The following ARL2 variants were observed in gnomAD, a reference collection of about 807,000 sequenced individuals.
The protein encoded by ARL2 is ARF like GTPase 2, also known as ADP-ribosylation factor-like protein 2.
Under a neutral mutation model 22.0 loss-of-function variants are expected in ARL2, and 11 were observed. That is an observed-to-expected ratio of 0.50 (90% confidence interval 0.31 to 0.83). The LOEUF is 0.83. ARL2 is among the 40% of genes least tolerant of loss of function. ARL2 has a pLI of 0.04. For missense variants in ARL2, 216 were observed against 243.2 expected (o/e 0.89, Z 0.74); for synonymous variants, 111 against 100.8 (o/e 1.10, Z -0.61).
intron 3 of ARL2, chr11:65,019,071 C>G: frequency 1.4e-6 from 1 of 697,584 alleles, no homozygotes; most frequent in Non-Finnish European, 2.1e-6. Context: ...AAGAGTCTGA[C>G]TCTTTGCTGT....
In ARL2 at chr11:65,018,120, T is replaced by A. The variant is rs1171443928; in HGVS notation, c.66-244T>A. On this transcript the variant is annotated intron_variant, in intron 1 of 4. Transcript: ENST00000246747. The surrounding 1 kb of genome is among the most constrained non-coding windows in gnomAD (Gnocchi z 4.2). Reference sequence around the variant, plus strand: ...TAAGCTTCCTAAGGGCAGGGCTTTGTCCTCTAGCACCCAGAAGAGGGTCTG... The same window carrying A: ...TAAGCTTCCTAAGGGCAGGGCTTTGACCTCTAGCACCCAGAAGAGGGTCTG... Among the ~76,000 whole-genome samples, 6 of 152,248 alleles carry A rather than the reference T, an allele frequency of 3.9e-5. No homozygotes were observed. Among genetic ancestry groups the A allele is most frequent in the African/African-American group, 7.2e-5 (3 of 41,470 alleles).
At position 65,018,090 on chromosome 11, in the gene ARL2, G is replaced by A. The variant is rs1053945294; in HGVS notation, c.66-274G>A. ...TACTTTATTGACTGTCTTCCCGCTA[G>A]AGTGTAAGCTTCCTAAGGGCAGGGC... On this transcript the variant is annotated intron_variant, in intron 1 of 4. Transcript: ENST00000246747. This position sits in a 1 kb window ranked among gnomAD's most constrained non-coding sequence, Gnocchi z 4.2. 6.6e-6 allele frequency among the ~76,000 whole-genome samples: 1 copy of A among 152,232 alleles called. No individual in the cohort carries two copies. Among genetic ancestry groups the A allele is most frequent in the Admixed American group, 6.5e-5 (1 of 15,284 alleles).
Position 65,018,850 on chromosome 11 carries a change from G to T in ARL2, c.339+117G>T, listed in dbSNP as rs775836232. ...CAGAGGCAGGATCCCTTCCTTCTCT[G>T]GGCCCCCACCATGGGAGGCCCATGG... On this transcript the variant is annotated intron_variant, in intron 3 of 4. Transcript: ENST00000246747. The surrounding 1 kb of genome is among the most constrained non-coding windows in gnomAD (Gnocchi z 4.2). The T allele has an allele frequency of 8.4e-6, 13 of 1,542,918 alleles. No homozygotes were observed. The highest frequency in any genetic ancestry group is 1.1e-5 in the Non-Finnish European group (13 of 1,150,308).
chr11:65,017,217 ACGGGGT>A (rs1445283540), intron 1 of ARL2, among the ~76,000 whole-genome samples: 2 of 150,972 alleles, frequency 1.3e-5, no homozygotes, highest in Admixed American at 1.3e-4. Flanking sequence ...TTTTAATCAG[ACGGGGT>A]CTCGCTGAGT....
intron 4 of ARL2, among the ~76,000 whole-genome samples, chr11:65,020,865 G>A (rs1229012051): frequency 9.4e-5 from 12 of 127,892 alleles, no homozygotes; most frequent in Admixed American, 3.1e-4. Context: ...GTGAGACTTC[G>A]TCTCAAAAAA....
At position 65,018,007 on chromosome 11, in the gene ARL2, C is replaced by G. The variant is rs933841824; in HGVS notation, c.66-357C>G. Among the ~76,000 whole-genome samples, 32 of 152,210 alleles carry G rather than the reference C, an allele frequency of 2.1e-4. No homozygotes were observed. Among genetic ancestry groups the G allele is most frequent in the Non-Finnish European group, 2.1e-4 (14 of 68,038 alleles). Reference sequence around the variant, plus strand: ...CCGATGGCCCTCTTGGAAAGCCTCTCTGTTGTGTTGATGGCGCTAGCCGGG... The same window carrying G: ...CCGATGGCCCTCTTGGAAAGCCTCTGTGTTGTGTTGATGGCGCTAGCCGGG... On this transcript the variant is annotated intron_variant, in intron 1 of 4. Transcript: ENST00000246747. The surrounding 1 kb of genome is among the most constrained non-coding windows in gnomAD (Gnocchi z 4.2).
intron 1 of ARL2, among the ~76,000 whole-genome samples, chr11:65,014,707 C>T (rs1946228933): frequency 6.6e-6 from 1 of 152,212 alleles, no homozygotes; most frequent in South Asian, 2.1e-4. Flanking sequence ...GTGGGCTCCG[C>T]GGATCCTTTC....
At chr11:65,019,925 G>T (rs1184680472) in intron 3 of ARL2, among the ~76,000 whole-genome samples, 1 of 152,158 alleles carries the variant, frequency 6.6e-6, no homozygotes, top group Non-Finnish European at 1.5e-5. Flanking sequence ...AAGGCCCAAG[G>T]GTTAGACCCG....
rs1946330490 is a variant in ARL2 at position 65,021,749 on chromosome 11, A to G, written c.449A>G (p.His150Arg). 3 of 1,609,052 alleles carry G rather than the reference A, an allele frequency of 1.9e-6. No individual in the cohort carries two copies. The change falls in exon 5 of 5, where the codon CAC (histidine) becomes CGC (arginine). Residue 150 changes from histidine (H) to arginine (R), a missense_variant. His to Arg is a conservative substitution (Grantham distance 29). Transcript: ENST00000246747. ...CTGGAGCTGGACTCCATCCGCAGCC[A>G]CCACTGGTGCATCCAGGGCTGCAGC... ...EVLELDSIRS[H>R]HWCIQGCSAV...
Position 65,018,942 on chromosome 11 carries a change from C to T in ARL2, c.339+209C>T. 1 of 1,520,602 alleles carries T rather than the reference C, an allele frequency of 6.6e-7. No individual in the cohort carries two copies. Among genetic ancestry groups the T allele is most frequent in the Non-Finnish European group, 8.8e-7 (1 of 1,137,610 alleles). The allele number at this position is 1,520,602 out of a possible 1,614,324, so 94.2% of individuals were successfully genotyped here. A position where few individuals can be genotyped will look rare whatever the true frequency, so the allele number is the denominator to read the frequency against. ...ACGTCCCTGTGGTGTTACTACGTCA[C>T]TACCCTGAGCATCAGTTTCTATGCC... On this transcript the variant is annotated intron_variant, in intron 3 of 4. Transcript: ENST00000246747. This position sits in a 1 kb window ranked among gnomAD's most constrained non-coding sequence, Gnocchi z 4.2.
chr11:65,016,244 C>T (rs1304035680), intron 1 of ARL2, among the ~76,000 whole-genome samples: 3 of 111,656 alleles, frequency 2.7e-5, no homozygotes, highest in South Asian at 2.8e-4. Context: ...ATGAGGGAGG[C>T]GAGGGTTGAA....
chr11:65,018,951 G>A lies in ARL2; in HGVS notation c.339+218G>A, dbSNP rs560567790. The A allele has an allele frequency of 3.3e-5, 50 of 1,513,954 alleles. No homozygotes were observed. The East Asian group carries it at 8.7e-4, about 26-fold the overall frequency. 93.8% of individuals were successfully genotyped at this position (1,513,954 alleles called of 1,614,324 possible). On this transcript the variant is annotated intron_variant, in intron 3 of 4. Coordinates refer to ENST00000246747, the MANE Select transcript of ARL2 (RefSeq NM_001667.4). The surrounding 1 kb of genome is among the most constrained non-coding windows in gnomAD (Gnocchi z 4.2). ...TGGTGTTACTACGTCACTACCCTGAGCATCAGTTTCTATGCCTTGAAATGG... is the reference window on the plus strand; with the variant it reads ...TGGTGTTACTACGTCACTACCCTGAACATCAGTTTCTATGCCTTGAAATGG...
At chr11:65,020,311 C>A in intron 3 of ARL2, 108 bp from the exon 4 acceptor site, 1 of 957,612 alleles carries the variant, frequency 1.0e-6, no homozygotes, top group Non-Finnish European at 1.6e-6. Flanking sequence ...CGGGGCCTCA[C>A]CTTGATCTTC....
chr11:65,014,440 C>G (rs1236731664), intron 1 of ARL2, among the ~76,000 whole-genome samples, 168 bp downstream of exon 1: 3 of 152,174 alleles, frequency 2.0e-5, no homozygotes, highest in African/African-American at 7.2e-5. Flanking sequence ...GGAGCCGCAC[C>G]CCAGGACTGG....
At chr11:65,020,229 G>A (rs554734031) in intron 3 of ARL2, among the ~76,000 whole-genome samples, 190 bp from the exon 4 acceptor site, 1 of 152,272 alleles carries the variant, frequency 6.6e-6, no homozygotes, top group Admixed American at 6.5e-5. Context: ...CTGGCCCAGG[G>A]CTGCTCCATT....
At chr11:65,021,056 C>G (rs998183638) in intron 4 of ARL2, among the ~76,000 whole-genome samples, 1 of 152,174 alleles carries the variant, frequency 6.6e-6, no homozygotes, top group Admixed American at 6.5e-5. Context: ...GTAGCCAGCA[C>G]AAGTCAGTGC....
In ARL2 at chr11:65,021,623, G is replaced by A. The variant is rs572844277; in HGVS notation, c.421-98G>A. 3.5e-6 allele frequency: 5 copies of A among 1,414,638 alleles called. No homozygotes were observed. The East Asian group carries it at 1.2e-4, about 35-fold the overall frequency. 87.6% of individuals were successfully genotyped at this position (1,414,638 alleles called of 1,614,324 possible). On this transcript the variant is annotated intron_variant, in intron 4 of 4. Transcript: ENST00000246747. ...GGATGACATGGAGCAGGGCCTTGAG[G>A]AAGGCGTGGAGTTCCTCTGGGCTGG... is the stretch of plus-strand genomic sequence containing the variant.
At chr11:65,021,251 C>G (rs2136913120) in intron 4 of ARL2, among the ~76,000 whole-genome samples, 1 of 152,322 alleles carries the variant, frequency 6.6e-6, no homozygotes, top group South Asian at 2.1e-4. Context: ...ACATTTTAAC[C>G]ATGATTCTAG....
In ARL2 at chr11:65,014,227, T is replaced by C. The variant is rs1454706508; in HGVS notation, c.20T>C (p.Leu7Pro). Residue 7 changes from leucine to proline, a missense_variant, in exon 1 of 5, where the codon CTG (leucine) becomes CCG (proline). Leu to Pro is a moderately conservative substitution (Grantham distance 98). Transcript: ENST00000246747. ...GGGACCATGGGGCTCCTGACCATTC[T>C]GAAGAAGATGAAGCAGAAAGAGCGG... is the stretch of plus-strand genomic sequence containing the variant. MGLLTI[L>P]KKMKQKEREL... 1 of 1,573,710 alleles carries C rather than the reference T, an allele frequency of 6.4e-7. No individual in the cohort carries two copies. Among genetic ancestry groups the C allele is most frequent in the Non-Finnish European group, 8.6e-7 (1 of 1,163,756 alleles).
Sources: allele counts gnomAD v4.1 joint callset (sites outside exome capture counted in the v4.1 genomes callset), GRCh38; gene constraint gnomAD v4.1.1; non-coding constraint Gnocchi (gnomAD v3.1); transcripts MANE v1.5; gene names NCBI Gene and HGNC (gene_info 2026-07-23, HGNC 2026-07-21).